Variants in MSANTD4 observed in about 807,000 individuals in gnomAD.
MSANTD4 encodes myb/SANT-like DNA-binding domain-containing protein 4.
MSANTD4 carries 13 observed loss-of-function variants against 34.3 expected under a neutral mutation model. The ratio of observed to expected loss-of-function variants is 0.38; its 90% CI spans 0.25 to 0.60. The LOEUF (loss-of-function observed/expected upper bound fraction) is 0.60, where lower values mean the gene tolerates loss of function less well. Ranked by LOEUF, MSANTD4 falls within the 20% of genes least tolerant of loss-of-function variation. The probability of loss-of-function intolerance (pLI) is 0.63; values close to 1 mark genes in which losing one functional copy is unlikely to be tolerated. For missense variants in MSANTD4, 358 were observed against 401.8 expected (o/e 0.89, Z 0.93); for synonymous variants, 137 against 145.2 (o/e 0.94, Z 0.41).
chr11:106,019,645 T>C (rs1254136064), intron 1 of MSANTD4, among the ~76,000 whole-genome samples: 2 of 152,204 alleles, frequency 1.3e-5, no homozygotes, highest in Non-Finnish European at 2.9e-5. Flanking sequence ...TTCACCTAAG[T>C]CTGATGTCCT....
At chr11:106,010,236 T>C (rs1859653389) in intron 2 of MSANTD4, 126 bp from the exon 3 acceptor site, 1 of 1,130,382 alleles carries the variant, frequency 8.8e-7, no homozygotes, top group Non-Finnish European at 1.2e-6. Context: ...TGAATATCAT[T>C]TACACTGAAT....
At chr11:106,015,079 C>T (rs1859808130) in intron 1 of MSANTD4, among the ~76,000 whole-genome samples, 1 of 152,220 alleles carries the variant, frequency 6.6e-6, no homozygotes, top group Non-Finnish European at 1.5e-5. Flanking sequence ...ACTCTTGATA[C>T]TGCCCTAGAG....
rs1859614149 is a variant in MSANTD4, at chr11:106,009,300, C to G, written c.*235G>C. The G allele has an allele frequency of 2.3e-6, 1 of 439,234 alleles. No homozygotes were observed. Among genetic ancestry groups the G allele is most frequent in the Non-Finnish European group, 4.0e-6 (1 of 248,786 alleles). The allele number at this position is 439,234 out of a possible 1,614,324, so 27.2% of individuals were successfully genotyped here. A position where few individuals can be genotyped will look rare whatever the true frequency, so the allele number is the denominator to read the frequency against. ...CTGGGTACACAGACAATACAAGACT[C>G]TATGTAATATTATAAGGTAAAGAGT... On this transcript the variant is annotated 3_prime_UTR_variant, in exon 3 of 3. Coordinates refer to ENST00000301919, the MANE Select transcript of MSANTD4 (RefSeq NM_032424.3).
intron 1 of MSANTD4, among the ~76,000 whole-genome samples, chr11:106,016,273 G>A (rs971410798): frequency 4.6e-5 from 7 of 152,274 alleles, no homozygotes; most frequent in Non-Finnish European, 1.0e-4. Context: ...CTCTAGAGGT[G>A]ACTAAAAATA....
rs180726414 is a variant in MSANTD4, at chr11:106,019,133, A to C, written c.-151+1829T>G. ...CCATCTACCTTTTCTGGTCTTATCC[A>C]TCACCTCCAGTACCAACTCCCAACC... On this transcript the variant is annotated intron_variant, in intron 1 of 2. Coordinates refer to ENST00000301919, the MANE Select transcript of MSANTD4 (RefSeq NM_032424.3). Among the ~76,000 whole-genome samples the C allele has an allele frequency of 6.2e-3, 943 of 152,184 alleles. 6 individuals carry two copies. Among genetic ancestry groups the C allele is most frequent in the African/African-American group, 0.021 (879 of 41,538 alleles).
intron 1 of MSANTD4, among the ~76,000 whole-genome samples, chr11:106,019,355 TTTATTTAACCCAATA>T (rs1363094950): frequency 1.3e-5 from 2 of 152,214 alleles, no homozygotes; most frequent in African/African-American, 4.8e-5. Context: ...AAGTGAGTAT[TTTATTTAACCCAATA>T]TATCCAAAAT....
At chr11:106,017,194 T>C (rs1197201224) in intron 1 of MSANTD4, among the ~76,000 whole-genome samples, 1 of 152,232 alleles carries the variant, frequency 6.6e-6, no homozygotes, top group African/African-American at 2.4e-5. Context: ...GTAGATGCTA[T>C]AGTTGATGCA....
rs1859669142 is a variant in MSANTD4, at chr11:106,010,727, C to T, written c.191G>A (p.Arg64Lys). 1 of 1,614,172 alleles carries T rather than the reference C, an allele frequency of 6.2e-7. No homozygotes were observed. The highest frequency in any genetic ancestry group is 8.5e-7 in the Non-Finnish European group (1 of 1,180,032). The change falls in exon 2 of 3, where the codon AGG becomes AAG. Residue 64 changes from arginine (R) to lysine (K), a missense_variant. Physicochemically the swap from Arg to Lys is conservative, Grantham distance 26. Around this residue, in one of 2 missense-constraint regions of MSANTD4, gnomAD observed 46 missense variants for 84.3 expected, o/e 0.55. Transcript: ENST00000301919. The part of the protein sequence containing the change: ...CVNAVGEGEQ[R>K]TGTEVKRRYL... ...CCTTCTTTTCACCTCTGTCCCTGTC[C>T]TCTGTTCTCCTTCTCCTACAGCATT... is the stretch of plus-strand genomic sequence containing the variant.
chr11:106,009,635 T>C lies in MSANTD4; in HGVS notation c.938A>G (p.Gln313Arg), dbSNP rs1370080990. Residue 313 changes from glutamine (Q) to arginine (R), a missense_variant, in exon 3 of 3, where the codon CAG becomes CGG. Coordinates refer to ENST00000301919, the MANE Select transcript of MSANTD4 (RefSeq NM_032424.3). Reference protein sequence around the residue: ...ERLQLEKDRLQFLKFESEKLQ... With the variant: ...ERLQLEKDRLRFLKFESEKLQ... ...CTTCTCAGATTCAAACTTCAAAAACTGCAGCCTATCCTTTTCCAGTTGCAA... is the reference window on the plus strand; with the variant it reads ...CTTCTCAGATTCAAACTTCAAAAACCGCAGCCTATCCTTTTCCAGTTGCAA... 1.2e-6 allele frequency: 2 copies of C among 1,614,092 alleles called. No individual in the cohort carries two copies. Among genetic ancestry groups the C allele is most frequent in the Non-Finnish European group, 1.7e-6 (2 of 1,180,042 alleles).
At chr11:106,011,566 T>A (rs1482650951) in intron 1 of MSANTD4, among the ~76,000 whole-genome samples, 3 of 152,168 alleles carry the variant, frequency 2.0e-5, no homozygotes, top group African/African-American at 4.8e-5. Flanking sequence ...TACTCCAGCA[T>A]AAAATTTGCA....
At chr11:106,019,991 A>C (rs1457238957) in intron 1 of MSANTD4, among the ~76,000 whole-genome samples, 1 of 152,222 alleles carries the variant, frequency 6.6e-6, no homozygotes, top group Non-Finnish European at 1.5e-5. Flanking sequence ...TAAACCGATT[A>C]AGAAGTTTAT....
Position 106,010,025 on chromosome 11 carries a change from A to G in MSANTD4, c.548T>C (p.Ile183Thr). The change falls in exon 3 of 3, where the codon ATT (isoleucine) becomes ACT (threonine). Residue 183 changes from isoleucine to threonine, a missense_variant. By Grantham distance (89) the Ile-to-Thr change is moderately conservative. Transcript: ENST00000301919. Reference protein sequence around the residue: ...RENELPDFPHIDEFFTLNSTP... With the variant: ...RENELPDFPHTDEFFTLNSTP... ...TGAGTTAAGGGTAAAAAACTCATCA[A>G]TGTGGGGGAAATCGGGAAGTTCATT... 1.2e-6 allele frequency: 2 copies of G among 1,603,534 alleles called. No homozygotes were observed. The highest frequency in any genetic ancestry group is 1.7e-6 in the Non-Finnish European group (2 of 1,179,818).
At chr11:106,015,794 A>G (rs1859827679) in intron 1 of MSANTD4, among the ~76,000 whole-genome samples, 1 of 152,288 alleles carries the variant, frequency 6.6e-6, no homozygotes, top group South Asian at 2.1e-4. Flanking sequence ...ATTATCTAAT[A>G]AATAAAAGAA....
rs1280762877 is a variant in MSANTD4 at position 106,008,941 on chromosome 11, T to C, written c.*594A>G. On this transcript the variant is annotated 3_prime_UTR_variant, in exon 3 of 3. Coordinates refer to ENST00000301919, the MANE Select transcript of MSANTD4 (RefSeq NM_032424.3). ...CAATATACTACACAGTAACATTTCA[T>C]AGTTAAAGTTTTTGGCCATTTAAGT... is the stretch of plus-strand genomic sequence containing the variant. The C allele has an allele frequency of 6.6e-6, 1 of 152,260 alleles. No homozygotes were observed. The highest frequency in any genetic ancestry group is 3.2e-3 in the Middle Eastern group (1 of 316). The allele number at this position is 152,260 out of a possible 1,614,324, so 9.4% of individuals were successfully genotyped here. A position where few individuals can be genotyped will look rare whatever the true frequency, so the allele number is the denominator to read the frequency against.
chr11:106,009,602 A>G lies in MSANTD4; in HGVS notation c.971T>C (p.Ile324Thr). 3 of 1,614,132 alleles carry G rather than the reference A, an allele frequency of 1.9e-6. No homozygotes were observed. In the South Asian group the frequency reaches 3.3e-5, roughly 18 times the overall value. Residue 324 changes from isoleucine to threonine, a missense_variant, in exon 3 of 3, where the codon ATT (isoleucine) becomes ACT (threonine). Ile to Thr is a moderately conservative substitution (Grantham distance 89). Coordinates refer to ENST00000301919, the MANE Select transcript of MSANTD4 (RefSeq NM_032424.3). The stretch of plus-strand genomic sequence containing the variant: ...CTCTACCTGTAAGCGTTCCTTTTCA[A>G]TCTGCAGCTTCTCAGATTCAAACTT... Reference protein sequence around the residue: ...FLKFESEKLQIEKERLQVEKD... With the variant: ...FLKFESEKLQTEKERLQVEKD...
At chr11:106,019,563 G>C (rs1308387467) in intron 1 of MSANTD4, among the ~76,000 whole-genome samples, 3 of 152,026 alleles carry the variant, frequency 2.0e-5, no homozygotes, top group African/African-American at 7.3e-5. Context: ...CTTTTCGTCA[G>C]GCCAATGCCT....
chr11:106,009,940 T>C lies in MSANTD4; in HGVS notation c.633A>G (p.Lys211=), dbSNP rs1372416214. The C allele has an allele frequency of 6.2e-7, 1 of 1,613,738 alleles. No individual in the cohort carries two copies. The highest frequency in any genetic ancestry group is 8.5e-7 in the Non-Finnish European group (1 of 1,180,034). Residue 211 remains lysine, a synonymous_variant, in exon 3 of 3, where the codon AAA becomes AAG. Transcript: ENST00000301919. ...PHLLVNIEKQ[K]LELEKRRLDI... ...CCAGTCGTCGTTTTTCCAACTCTAG[T>C]TTCTGTTTCTCAATATTTACGAGCA...
At chr11:106,011,170 C>T in intron 1 of MSANTD4, 103 bp from the exon 2 acceptor site, 1 of 490,994 alleles carries the variant, frequency 2.0e-6, no homozygotes, top group South Asian at 3.4e-5. Context: ...AAACAACCCT[C>T]TAAATATAGC....
Position 106,010,635 on chromosome 11 carries a change from C to T in MSANTD4, c.283G>A (p.Gly95Arg), listed in dbSNP as rs1188291152. 1 of 1,614,136 alleles carries T rather than the reference C, an allele frequency of 6.2e-7. No homozygotes were observed. The highest frequency in any genetic ancestry group is 1.7e-5 in the Admixed American group (1 of 60,014). ...AAATCAGAGGAGGGAAGGGGAAATC[C>T]TGAACCAACCAGCTTAATGTTGGCC... ...MKANIKLVGS[G>R]FPLPSSDLDD... The change falls in exon 2 of 3, where the codon GGA becomes AGA. Residue 95 changes from glycine (G) to arginine (R), a missense_variant. Around this residue, in one of 2 missense-constraint regions of MSANTD4, gnomAD observed 312 missense variants for 317.6 expected, o/e 0.98. Transcript: ENST00000301919.
Sources: gnomAD v4.1 joint callset for allele counts (sites outside exome capture counted in the v4.1 genomes callset) on GRCh38, gnomAD v4.1.1 for gene constraint, gnomAD v4.1.1 regional missense constraint, MANE v1.5 for transcripts, NCBI Gene and HGNC (gene_info 2026-07-23, HGNC 2026-07-21) for gene names.